SNORC: variants seen among roughly 807,000 people sequenced by gnomAD.
SNORC encodes the protein protein SNORC.
A neutral mutation model predicts 9.7 loss-of-function variants in SNORC; 11 were observed. That is an observed-to-expected ratio of 1.14 (90% confidence interval 0.72 to 1.88). The LOEUF (loss-of-function observed/expected upper bound fraction) is 1.88, where lower values mean the gene tolerates loss of function less well. Ranked by LOEUF, SNORC falls within the 40% of genes most tolerant of loss-of-function variation. SNORC has a pLI of 0.00. For synonymous variants in SNORC, 108 were observed against 88.7 expected, an observed-to-expected ratio of 1.22 and a Z score of -1.22; for missense variants, 197 against 173.1, an observed-to-expected ratio of 1.14 and a Z score of -0.77.
intron 1 of SNORC, among the ~76,000 whole-genome samples, chr2:232,874,159 A>T (rs1171164150): frequency 1.3e-5 from 2 of 152,246 alleles, no homozygotes; most frequent in Non-Finnish European, 2.9e-5. Flanking sequence ...AGTTGCACAA[A>T]TACTCCAATG....
At chr2:232,875,200 G>A (rs1044136848) in intron 1 of SNORC, among the ~76,000 whole-genome samples, 11 of 152,254 alleles carry the variant, frequency 7.2e-5, no homozygotes, top group African/African-American at 2.7e-4. Flanking sequence ...TTAGCTGGGT[G>A]TAGTGGCAGG....
chr2:232,876,316 CG>C lies in SNORC; in HGVS notation c.327del (p.Leu110SerfsTer6). 1 of 1,548,158 alleles carries C rather than the reference CG, an allele frequency of 6.5e-7. No homozygotes were observed. The highest frequency in any genetic ancestry group is 8.7e-7 in the Non-Finnish European group (1 of 1,150,860). On this transcript the variant is annotated frameshift_variant, in exon 3 of 3. Transcript: ENST00000331342. LOFTEE classifies it high-confidence loss of function. This position sits in a 1 kb window ranked among gnomAD's most constrained non-coding sequence, Gnocchi z 6.8. ...CTGCTGGCCACCTGCGTGGTGCTGG[CG>C]CTCGTGGTCGTCGCGCTGAGAAAGT...
chr2:232,871,324 G>A (rs1224495893), intron 1 of SNORC, among the ~76,000 whole-genome samples: 2 of 152,180 alleles, frequency 1.3e-5, no homozygotes, highest in East Asian at 1.9e-4. Flanking sequence ...GAGGAGCACC[G>A]GAGACTATTG....
Position 232,876,059 on chromosome 2 carries a change from G to T in SNORC, c.193G>T (p.Ala65Ser). The T allele has an allele frequency of 1.3e-6, 2 of 1,536,984 alleles. No individual in the cohort carries two copies. Among genetic ancestry groups the T allele is most frequent in the East Asian group, 4.9e-5 (2 of 40,566 alleles). ...GGAGCCCGTGGACACCGGTCCCCCA[G>T]CCCCCACCGTCGCGCCAGGACCCGA... Residue 65 changes from alanine to serine, a missense_variant, in exon 2 of 3, where the codon GCC becomes TCC. Coordinates refer to ENST00000331342, the Ensembl canonical transcript of SNORC. This position sits in a 1 kb window ranked among gnomAD's most constrained non-coding sequence, Gnocchi z 6.8.
chr2:232,870,350 C>T (rs1382119978), exon 1 of SNORC: 1 of 1,560,844 alleles, frequency 6.4e-7, no homozygotes, highest in South Asian at 1.2e-5. Context: ...GGATGGCATC[C>T]TGTCTGGCCC....
upstream of SNORC, chr2:232,869,761 A>G (rs1426905709): frequency 6.3e-6 from 1 of 159,992 alleles, no homozygotes; most frequent in Non-Finnish European, 1.4e-5. Flanking sequence ...AAACTGCTTT[A>G]AAAGTCCTTC....
chr2:232,867,285 A>G (rs1690897620), upstream of SNORC, among the ~76,000 whole-genome samples: 1 of 152,226 alleles, frequency 6.6e-6, no homozygotes. Context: ...GCTAAATCCT[A>G]GGATATACCA....
intron 1 of SNORC, among the ~76,000 whole-genome samples, chr2:232,874,641 G>A (rs1171430782): frequency 2.6e-5 from 4 of 152,206 alleles, no homozygotes; most frequent in Admixed American, 6.5e-5. Flanking sequence ...GTGTCTTCTC[G>A]AGCATCCGCC....
chr2:232,877,365 T>A (rs548805533), downstream of SNORC: 7 of 985,384 alleles, frequency 7.1e-6, no homozygotes, highest in East Asian at 8.0e-4. Flanking sequence ...GATGTAAACT[T>A]TGATCCTTTG....
chr2:232,872,967 C>T (rs1267135766), intron 1 of SNORC, among the ~76,000 whole-genome samples: 1 of 152,254 alleles, frequency 6.6e-6, no homozygotes, highest in East Asian at 1.9e-4. Flanking sequence ...ACTTGGGCAC[C>T]AGCCTAGGTT....
chr2:232,873,905 G>T (rs960369226), intron 1 of SNORC, among the ~76,000 whole-genome samples: 1 of 152,342 alleles, frequency 6.6e-6, no homozygotes, highest in Non-Finnish European at 1.5e-5. Flanking sequence ...TGGGCCCCTC[G>T]GGAGGGAAGC....
chr2:232,873,354 G>T (rs1691101157), intron 1 of SNORC, among the ~76,000 whole-genome samples: 1 of 151,964 alleles, frequency 6.6e-6, no homozygotes, highest in Non-Finnish European at 1.5e-5. Flanking sequence ...GCAGAGACAG[G>T]CTGGGTCACG....
chr2:232,872,514 C>T (rs1691064950), intron 1 of SNORC, among the ~76,000 whole-genome samples: 1 of 152,194 alleles, frequency 6.6e-6, no homozygotes, highest in Non-Finnish European at 1.5e-5. Context: ...CCAGCCCCTG[C>T]TTCCCTGGGT....
downstream of SNORC, chr2:232,876,540 A>G (rs981452479): frequency 1.7e-6 from 2 of 1,198,376 alleles, no homozygotes; most frequent in African/African-American, 3.2e-5. The surrounding 1 kb of genome is among the most constrained non-coding windows in gnomAD (Gnocchi z 6.8). Flanking sequence ...GCGGGTCCGG[A>G]GGCGCGCCCG....
chr2:232,872,340 G>A (rs1691057810), intron 1 of SNORC, among the ~76,000 whole-genome samples: 1 of 152,206 alleles, frequency 6.6e-6, no homozygotes, highest in African/African-American at 2.4e-5. Flanking sequence ...GGCCAGGGCA[G>A]GGATGAAAAG....
At chr2:232,875,637 T>G in intron 1 of SNORC, 1 of 514,874 alleles carries the variant, frequency 1.9e-6, no homozygotes. Context: ...CTTTCTGCTC[T>G]CTGGTCCCTG....
upstream of SNORC, among the ~76,000 whole-genome samples, chr2:232,868,055 C>T (rs1041379739): frequency 6.6e-6 from 1 of 152,102 alleles, no homozygotes; most frequent in Non-Finnish European, 1.5e-5. Context: ...CAGATTTCTG[C>T]TCACCTGTTC....
chr2:232,875,538 A>T (rs1000304389), intron 1 of SNORC: 1 of 405,868 alleles, frequency 2.5e-6, no homozygotes, highest in Admixed American at 3.0e-5. Context: ...GGGGAGGACA[A>T]CTGGGGTGGG....
At chr2:232,870,888 G>C (rs906004670) in intron 1 of SNORC, among the ~76,000 whole-genome samples, 4 of 152,294 alleles carry the variant, frequency 2.6e-5, no homozygotes, top group South Asian at 2.1e-4. Context: ...CTGGGAAAAG[G>C]CTCCAGAGAG....
Sources: allele counts gnomAD v4.1 joint callset (sites outside exome capture counted in the v4.1 genomes callset), GRCh38; gene constraint gnomAD v4.1.1; non-coding constraint Gnocchi (gnomAD v3.1); transcripts MANE v1.5; gene names NCBI Gene and HGNC (gene_info 2026-07-23, HGNC 2026-07-21).